The following SLC27A6 variants were observed in gnomAD, a reference collection of about 807,000 sequenced individuals.
The protein encoded by SLC27A6 is solute carrier family 27 member 6, also known as long-chain fatty acid transport protein 6.
Under a neutral mutation model 63.9 loss-of-function variants are expected in SLC27A6, and 74 were observed. The ratio of observed to expected loss-of-function variants is 1.16; its 90% CI spans 0.96 to 1.40. The LOEUF (loss-of-function observed/expected upper bound fraction) is 1.40, where lower values mean the gene tolerates loss of function less well. SLC27A6 is among the 40% of genes most tolerant of loss of function. The probability of loss-of-function intolerance (pLI) is 0.00; values close to 1 mark genes in which losing one functional copy is unlikely to be tolerated. For missense variants in SLC27A6, 794 were observed against 732.9 expected, an observed-to-expected ratio of 1.08 and a Z score of -0.96; for synonymous variants, 287 against 260.8, an observed-to-expected ratio of 1.10 and a Z score of -0.97.
chr5:128,974,149 G>A (rs763669950), intron 1 of SLC27A6, among the ~76,000 whole-genome samples: 1 of 152,224 alleles, frequency 6.6e-6, no homozygotes, highest in Admixed American at 6.5e-5. Flanking sequence ...TCAAGATAGA[G>A]CATTCAGGCT....
chr5:129,007,133 A>G (rs1751568012), intron 4 of SLC27A6, among the ~76,000 whole-genome samples: 1 of 152,180 alleles, frequency 6.6e-6, no homozygotes, highest in African/African-American at 2.4e-5. Context: ...ATAAGAGCAG[A>G]GAATGATCCA....
chr5:128,972,717 C>G (rs947339930), intron 1 of SLC27A6, among the ~76,000 whole-genome samples: 3 of 152,100 alleles, frequency 2.0e-5, no homozygotes, highest in African/African-American at 7.2e-5. Flanking sequence ...TCGAACATCC[C>G]CCTTTAGCTC....
intron 1 of SLC27A6, among the ~76,000 whole-genome samples, chr5:128,972,467 C>T (rs1750210446): frequency 6.6e-6 from 1 of 152,132 alleles, no homozygotes; most frequent in African/African-American, 2.4e-5. Flanking sequence ...TTTCTTTTTA[C>T]TCTTTTTTCT....
intron 4 of SLC27A6, among the ~76,000 whole-genome samples, chr5:129,012,769 G>C (rs755648814): frequency 4.0e-5 from 6 of 151,892 alleles, no homozygotes; most frequent in Non-Finnish European, 8.8e-5. Flanking sequence ...CTTCCTCTTG[G>C]GTGATGATTG....
chr5:128,986,118 C>T (rs1750776776), intron 2 of SLC27A6, among the ~76,000 whole-genome samples: 1 of 152,044 alleles, frequency 6.6e-6, no homozygotes, highest in Admixed American at 6.6e-5. Flanking sequence ...TTGAGACCAG[C>T]CTAGGCAACA....
At chr5:128,981,586 C>G (rs565043165) in intron 1 of SLC27A6, among the ~76,000 whole-genome samples, 1 of 152,186 alleles carries the variant, frequency 6.6e-6, no homozygotes, top group Non-Finnish European at 1.5e-5. Context: ...TATCTAGCAC[C>G]TAATGGCATG....
At chr5:129,029,516 G>T in intron 8 of SLC27A6, 61 bp from the exon 9 acceptor site, 1 of 1,179,052 alleles carries the variant, frequency 8.5e-7, no homozygotes, top group Non-Finnish European at 1.2e-6. Context: ...AGCATGTACA[G>T]AATTATCTTT....
intron 4 of SLC27A6, among the ~76,000 whole-genome samples, chr5:129,011,690 C>T (rs556369185): frequency 6.6e-6 from 1 of 152,296 alleles, no homozygotes; most frequent in Admixed American, 6.5e-5. Flanking sequence ...GTGGATGCTA[C>T]ATCTGTAGCA....
chr5:128,980,043 A>AC (rs1273334678), intron 1 of SLC27A6, among the ~76,000 whole-genome samples: 1 of 152,190 alleles, frequency 6.6e-6, no homozygotes, highest in Non-Finnish European at 1.5e-5. Context: ...GGCCAGAATC[A>AC]CTAGAAGCAC....
chr5:129,004,635 G>A lies in SLC27A6; in HGVS notation c.970-11250G>A, dbSNP rs532761224. On this transcript the variant is annotated intron_variant, in intron 4 of 9. Coordinates refer to ENST00000262462, the MANE Select transcript of SLC27A6 (RefSeq NM_001017372.3). ...AGGTAGCAATCTCATATCTCAAGAA[G>A]AATAAAAAGGAATAGAGATTTATTC... is the stretch of plus-strand genomic sequence containing the variant. 7.9e-5 allele frequency among the ~76,000 whole-genome samples: 12 copies of A among 152,222 alleles called. No homozygotes were observed. The East Asian group carries it at 2.3e-3, about 29-fold the overall frequency.
At chr5:128,999,101 A>G (rs1751250628) in intron 4 of SLC27A6, among the ~76,000 whole-genome samples, 2 of 152,254 alleles carry the variant, frequency 1.3e-5, no homozygotes, top group Admixed American at 6.5e-5. Context: ...TCTTTCATCT[A>G]TATAATGAAT....
chr5:129,015,103 G>C (rs1751849092), intron 4 of SLC27A6, among the ~76,000 whole-genome samples: 1 of 152,044 alleles, frequency 6.6e-6, no homozygotes, highest in Admixed American at 6.6e-5. Flanking sequence ...ATTTTTTGGT[G>C]ATGATGGAGG....
chr5:129,028,755 A>G (rs1386026370), intron 8 of SLC27A6, among the ~76,000 whole-genome samples: 1 of 149,714 alleles, frequency 6.7e-6, no homozygotes, highest in African/African-American at 2.5e-5. Context: ...TTTTCTTTTT[A>G]TGACTGGTGT....
intron 1 of SLC27A6, among the ~76,000 whole-genome samples, chr5:128,969,257 G>T (rs1456936110): frequency 6.6e-6 from 1 of 152,026 alleles, no homozygotes; most frequent in Non-Finnish European, 1.5e-5. Context: ...GCTCTTTTTT[G>T]GTTCCGTATG....
chr5:129,017,627 T>C (rs1012911577), intron 5 of SLC27A6, among the ~76,000 whole-genome samples: 1 of 151,716 alleles, frequency 6.6e-6, no homozygotes, highest in African/African-American at 2.4e-5. Context: ...TCGATTCTGA[T>C]TGATAGAAGG....
intron 1 of SLC27A6, among the ~76,000 whole-genome samples, chr5:128,977,291 C>T (rs1362586227): frequency 6.6e-6 from 1 of 152,128 alleles, no homozygotes; most frequent in African/African-American, 2.4e-5. Context: ...GAGTTTACAA[C>T]CTAGTTCTTG....
At chr5:128,968,545 C>A (rs1750003316) in intron 1 of SLC27A6, among the ~76,000 whole-genome samples, 1 of 152,188 alleles carries the variant, frequency 6.6e-6, no homozygotes, top group South Asian at 2.1e-4. Context: ...TGTCTGTTGG[C>A]TACATAAATG....
At chr5:129,003,806 C>T (rs1436498189) in intron 4 of SLC27A6, among the ~76,000 whole-genome samples, 1 of 151,532 alleles carries the variant, frequency 6.6e-6, no homozygotes, top group Non-Finnish European at 1.5e-5. Context: ...CTCATCTCTA[C>T]AAAAGTAAAA....
intron 1 of SLC27A6, among the ~76,000 whole-genome samples, chr5:128,975,281 G>A (rs1750337535): frequency 6.6e-6 from 1 of 152,202 alleles, no homozygotes; most frequent in Admixed American, 6.5e-5. Context: ...AACACAGGAG[G>A]CAGAGATTAC....
Sources: allele counts gnomAD v4.1 joint callset (sites outside exome capture counted in the v4.1 genomes callset), GRCh38; gene constraint gnomAD v4.1.1; transcripts MANE v1.5; gene names NCBI Gene and HGNC (gene_info 2026-07-23, HGNC 2026-07-21).